Variants in UBE2V1 observed in about 807,000 individuals in gnomAD.
UBE2V1 encodes ubiquitin-conjugating enzyme E2 variant 1.
UBE2V1 carries 15 observed loss-of-function variants against 19.6 expected under a neutral mutation model. That is an observed-to-expected ratio of 0.77 (90% CI 0.51 to 1.18). The LOEUF is 1.18. Ranked by LOEUF, UBE2V1 falls within the 50% of genes most tolerant of loss-of-function variation. UBE2V1 has a pLI of 0.00. For synonymous variants in UBE2V1, 60 were observed against 60.7 expected, an observed-to-expected ratio of 0.99 and a Z score of 0.05; for missense variants, 125 against 184.8, an observed-to-expected ratio of 0.68 and a Z score of 1.88.
chr20:50,111,375 G>C, intron 1 of UBE2V1: 2 of 999,912 alleles, frequency 2.0e-6, no homozygotes, highest in Non-Finnish European at 2.4e-6. Flanking sequence ...TGCAAGCAGG[G>C]CTGAGCTGCA....
chr20:50,103,409 A>G (rs996516773), intron 1 of UBE2V1, among the ~76,000 whole-genome samples: 1 of 152,194 alleles, frequency 6.6e-6, no homozygotes, highest in Non-Finnish European at 1.5e-5. Flanking sequence ...AAGCCTAAGA[A>G]CAGTTATATA....
chr20:50,100,384 A>C (rs1223572005), intron 1 of UBE2V1, among the ~76,000 whole-genome samples: 1 of 151,758 alleles, frequency 6.6e-6, no homozygotes, highest in Non-Finnish European at 1.5e-5. Flanking sequence ...TCAAGAGTTC[A>C]AGATCAGCCT....
intron 1 of UBE2V1, among the ~76,000 whole-genome samples, chr20:50,110,106 C>T (rs912223224): frequency 6.6e-6 from 1 of 152,230 alleles, no homozygotes; most frequent in African/African-American, 2.4e-5. Flanking sequence ...TCATGCCCCA[C>T]CAGGGCTTAC....
At chr20:50,094,547 G>A (rs1201311282) in intron 2 of UBE2V1, among the ~76,000 whole-genome samples, 1 of 151,886 alleles carries the variant, frequency 6.6e-6, no homozygotes, top group Non-Finnish European at 1.5e-5. Context: ...TCAGCCATAA[G>A]AAGAATAAAA....
chr20:50,091,462 C>T (rs931223933), intron 2 of UBE2V1, among the ~76,000 whole-genome samples: 6 of 129,862 alleles, frequency 4.6e-5, no homozygotes, highest in Non-Finnish European at 6.2e-5. Context: ...CAAGCAGTGG[C>T]GCGATCTCGG....
chr20:50,107,051 C>A (rs183276437), intron 1 of UBE2V1, among the ~76,000 whole-genome samples: 1 of 152,150 alleles, frequency 6.6e-6, no homozygotes, highest in African/African-American at 2.4e-5. Context: ...TGGGATTCAA[C>A]GTCCCTGAAA....
In UBE2V1 at chr20:50,101,696, C is replaced by CA. The variant is rs1232506962; in HGVS notation, c.23-4877dup. Among the ~76,000 whole-genome samples, 8 of 151,816 alleles carry CA rather than the reference C, an allele frequency of 5.3e-5. No individual in the cohort carries two copies. The East Asian group carries it at 1.2e-3, about 22-fold the overall frequency. On this transcript the variant is annotated intron_variant, in intron 1 of 3. Transcript: ENST00000371674. ...ATAAATTATCAGTAACATATAGGCACACACACCTTCTCTCAGTGTGATAGT... is the reference window on the plus strand; with the variant it reads ...ATAAATTATCAGTAACATATAGGCACAACACACCTTCTCTCAGTGTGATAGT...
intron 2 of UBE2V1, among the ~76,000 whole-genome samples, chr20:50,089,519 C>A (rs1479770675): frequency 1.3e-5 from 2 of 152,334 alleles, no homozygotes; most frequent in Admixed American, 1.3e-4. Context: ...CTGGTGGAAC[C>A]TTCAGAGGAA....
chr20:50,096,754 T>C lies in UBE2V1; in HGVS notation c.89A>G (p.Asp30Gly). The C allele has an allele frequency of 6.2e-7, 1 of 1,614,190 alleles. No homozygotes were observed. Among genetic ancestry groups the C allele is most frequent in the Non-Finnish European group, 8.5e-7 (1 of 1,180,022 alleles). ...ELEEGQKGVG[D>G]GTVSWGLEDD... ...TTCTAGACCCCAGCTAACTGTGCCATCTCCTACTCCTTTCTGGCCTTCTTC... is the reference window on the plus strand; with the variant it reads ...TTCTAGACCCCAGCTAACTGTGCCACCTCCTACTCCTTTCTGGCCTTCTTC... Residue 30 changes from aspartate to glycine, a missense_variant, in exon 2 of 4, where the codon GAT becomes GGT. Coordinates refer to ENST00000371674, the MANE Select transcript of UBE2V1 (RefSeq NM_001032288.3).
intron 2 of UBE2V1, chr20:50,095,473 A>G (rs2079566512): frequency 6.6e-6 from 1 of 152,266 alleles, no homozygotes; most frequent in Non-Finnish European, 1.5e-5. Flanking sequence ...ATAGGGTCAC[A>G]AAATGACTTA....
At chr20:50,104,450 G>A in intron 1 of UBE2V1, 5 of 602,852 alleles carry the variant, frequency 8.3e-6, no homozygotes, top group Non-Finnish European at 1.0e-5. Flanking sequence ...GAGGTCAGGA[G>A]ATCGAGACCA....
chr20:50,115,624 G>T, upstream of UBE2V1: 4 of 1,380,848 alleles, frequency 2.9e-6, no homozygotes, highest in Non-Finnish European at 3.8e-6. Flanking sequence ...TAGGATTGCT[G>T]TGGAGATAAA....
At chr20:50,093,857 C>T (rs1276800687) in intron 2 of UBE2V1, among the ~76,000 whole-genome samples, 6 of 150,398 alleles carry the variant, frequency 4.0e-5, no homozygotes, top group African/African-American at 1.2e-4. Context: ...GGCGTGGTGG[C>T]GGGTACCTGT....
intron 2 of UBE2V1, 122 bp downstream of exon 2, chr20:50,096,550 T>A (rs972260490): frequency 1.3e-6 from 2 of 1,598,078 alleles, no homozygotes; most frequent in Non-Finnish European, 1.7e-6. Context: ...CAAAAAAGAA[T>A]AGCCACATTT....
intron 1 of UBE2V1, among the ~76,000 whole-genome samples, chr20:50,100,235 C>T (rs2079897573): frequency 6.8e-6 from 1 of 147,078 alleles, no homozygotes; most frequent in South Asian, 2.2e-4. Flanking sequence ...GAGCTATGAT[C>T]ACGCCACTGC....
intron 1 of UBE2V1, among the ~76,000 whole-genome samples, chr20:50,112,813 A>AGCTCGCTCCTC (rs1312335560): frequency 2.6e-5 from 4 of 151,682 alleles, no homozygotes; most frequent in Non-Finnish European, 5.9e-5. Context: ...AGTGCCTCGG[A>AGCTCGCTCCTC]GCTCGCTCCT....
chr20:50,103,771 C>T (rs2080162808), intron 1 of UBE2V1, among the ~76,000 whole-genome samples: 1 of 152,080 alleles, frequency 6.6e-6, no homozygotes, highest in Non-Finnish European at 1.5e-5. Flanking sequence ...GAGGCCCTCT[C>T]AGAGACCCCG....
intron 2 of UBE2V1, among the ~76,000 whole-genome samples, chr20:50,090,710 T>C (rs979295989): frequency 6.6e-6 from 1 of 152,206 alleles, no homozygotes; most frequent in Admixed American, 6.5e-5. Context: ...GAGTAAGTTC[T>C]GGGAATCTAA....
intron 2 of UBE2V1, among the ~76,000 whole-genome samples, chr20:50,086,266 C>T (rs2146969216): frequency 6.6e-6 from 1 of 152,262 alleles, no homozygotes; most frequent in African/African-American, 2.4e-5. Context: ...GGAAGTGTTC[C>T]CGATCCCCTC....
Sources: allele counts gnomAD v4.1 joint callset (sites outside exome capture counted in the v4.1 genomes callset), GRCh38; gene constraint gnomAD v4.1.1; transcripts MANE v1.5; gene names NCBI Gene and HGNC (gene_info 2026-07-23, HGNC 2026-07-21).